Variants in FAT3 observed in about 807,000 individuals in gnomAD.
The protein encoded by FAT3 is protocadherin Fat 3.
Under a neutral mutation model 310.2 loss-of-function variants are expected in FAT3, and 95 were observed. The ratio of observed to expected loss-of-function variants is 0.31; its 90% confidence interval spans 0.26 to 0.36. The LOEUF is 0.36. Among genes scored for constraint, FAT3 ranks in the 10% least tolerant of loss-of-function variants. The probability of loss-of-function intolerance (pLI) is 1.00; values close to 1 mark genes in which losing one functional copy is unlikely to be tolerated. For synonymous variants in FAT3, 2,314 were observed against 2,192.9 expected, an observed-to-expected ratio of 1.06 and a Z score of -1.54; for missense variants, 5,408 against 5,715.6, an observed-to-expected ratio of 0.95 and a Z score of 1.74.
At chr11:92,670,560 A>C (rs1236069632) in intron 3 of FAT3, among the ~76,000 whole-genome samples, 1 of 152,200 alleles carries the variant, frequency 6.6e-6, no homozygotes, top group African/African-American at 2.4e-5. Flanking sequence ...TTGTGTTGAC[A>C]TATCAGGTAT....
intron 19 of FAT3, among the ~76,000 whole-genome samples, chr11:92,848,219 C>T (rs1234950721): frequency 6.6e-6 from 1 of 152,166 alleles, no homozygotes; most frequent in Non-Finnish European, 1.5e-5. Context: ...AACCAAAATG[C>T]TGAGTTGTTT....
intron 13 of FAT3, among the ~76,000 whole-genome samples, chr11:92,828,256 A>G (rs1215274464): frequency 6.6e-6 from 1 of 152,148 alleles, no homozygotes; most frequent in African/African-American, 2.4e-5. Context: ...CCCATTGCCC[A>G]GGAACATGGC....
intron 20 of FAT3, among the ~76,000 whole-genome samples, chr11:92,857,971 T>A (rs1052801250): frequency 3.9e-5 from 6 of 152,364 alleles, no homozygotes; most frequent in African/African-American, 1.4e-4. Flanking sequence ...GATTCATATA[T>A]TCTCTGCCAC....
chr11:92,271,575 G>A (rs1294884571), intron 1 of FAT3, among the ~76,000 whole-genome samples: 1 of 152,110 alleles, frequency 6.6e-6, no homozygotes, highest in Non-Finnish European at 1.5e-5. Context: ...TTAAGGGTAG[G>A]AAATCTGTCT....
At chr11:92,288,428 G>C (rs1946611353) in intron 1 of FAT3, among the ~76,000 whole-genome samples, 1 of 152,124 alleles carries the variant, frequency 6.6e-6, no homozygotes, top group African/African-American at 2.4e-5. Context: ...CTCTGTTTTA[G>C]AGATGAGGAA....
chr11:92,797,823 T>G lies in FAT3; in HGVS notation c.4823-13T>G. 2 of 1,598,034 alleles carry G rather than the reference T, an allele frequency of 1.3e-6. No homozygotes were observed. The highest frequency in any genetic ancestry group is 1.7e-6 in the Non-Finnish European group (2 of 1,169,186). On this transcript the variant is annotated splice_polypyrimidine_tract_variant and intron_variant, in intron 9 of 27. Transcript: ENST00000525166. ...ACATGTAACTCATTTCACCATTGAT[T>G]TCTGTATTTTAGGGAACACTGGGAA...
chr11:92,798,089 A>C lies in FAT3; in HGVS notation c.5076A>C (p.Leu1692=). Residue 1692 remains leucine (L), a synonymous_variant, in exon 10 of 28, where the codon CTA becomes CTC. Coordinates refer to ENST00000525166, the MANE Select transcript of FAT3 (RefSeq NM_001367949.2). ...ENVDIGTSVI[L]ISAISQSTLI... ...TTGACATTGGAACATCAGTCATTCT[A>C]ATCTCTGCCATCAGTCAATCTACCC... 6.2e-7 allele frequency: 1 copy of C among 1,613,914 alleles called. No individual in the cohort carries two copies. Among genetic ancestry groups the C allele is most frequent in the Admixed American group, 1.7e-5 (1 of 60,018 alleles).
At chr11:92,270,774 T>C (rs1411201118) in intron 1 of FAT3, among the ~76,000 whole-genome samples, 2 of 152,070 alleles carry the variant, frequency 1.3e-5, no homozygotes, top group African/African-American at 4.8e-5. Flanking sequence ...ATTTGAGAAA[T>C]ATCATATACA....
intron 1 of FAT3, among the ~76,000 whole-genome samples, chr11:92,234,354 G>GTAC (rs1337563229): frequency 6.6e-6 from 1 of 152,166 alleles, no homozygotes; most frequent in African/African-American, 2.4e-5. Context: ...TTCTCCCTCA[G>GTAC]TACTGCTTTG....
intron 22 of FAT3, among the ~76,000 whole-genome samples, chr11:92,878,203 G>A (rs1005592772): frequency 6.6e-6 from 1 of 152,084 alleles, no homozygotes; most frequent in Admixed American, 6.5e-5. Context: ...GGAAATTTGG[G>A]TAAAATTTAT....
rs574504924 is a variant in FAT3 at position 92,882,218 on chromosome 11, A to G, written c.12282-520A>G. The stretch of plus-strand genomic sequence containing the variant: ...TTTCTCTCATTTAGTGTGAATATCC[A>G]TATGTTTCACTGCAGAAACACTGGT... On this transcript the variant is annotated intron_variant, in intron 23 of 27. Coordinates refer to ENST00000525166, the MANE Select transcript of FAT3 (RefSeq NM_001367949.2). Among the ~76,000 whole-genome samples the G allele has an allele frequency of 3.3e-5, 5 of 152,264 alleles. No individual in the cohort carries two copies. In the East Asian group the frequency reaches 7.7e-4, roughly 24 times the overall value.
chr11:92,537,422 A>G (rs1343925572), intron 3 of FAT3, among the ~76,000 whole-genome samples: 2 of 152,104 alleles, frequency 1.3e-5, no homozygotes, highest in South Asian at 2.1e-4. Context: ...CTTGCTGTAA[A>G]TAACTCTGGT....
At chr11:92,527,778 T>C (rs1286797471) in intron 3 of FAT3, among the ~76,000 whole-genome samples, 1 of 152,088 alleles carries the variant, frequency 6.6e-6, no homozygotes, top group East Asian at 1.9e-4. Flanking sequence ...CAATATAACA[T>C]TTTTCAGTAA....
chr11:92,853,064 G>C (rs1948874090), intron 19 of FAT3, among the ~76,000 whole-genome samples: 1 of 152,200 alleles, frequency 6.6e-6, no homozygotes, highest in Non-Finnish European at 1.5e-5. Context: ...CAGCCCAGCA[G>C]ACTGCACTTG....
At position 92,834,143 on chromosome 11, in the gene FAT3, A is replaced by C. The variant is rs745481669; in HGVS notation, c.9872-727A>C. 2.6e-5 allele frequency among the ~76,000 whole-genome samples: 4 copies of C among 152,350 alleles called. No individual in the cohort carries two copies. In the South Asian group the frequency reaches 8.3e-4, roughly 32 times the overall value. The stretch of plus-strand genomic sequence containing the variant: ...GCAGGATTGGGTTACCTCCCAAGAA[A>C]GGGCTAGGATGGGAAGGATATAGCA... On this transcript the variant is annotated intron_variant, in intron 14 of 27. Transcript: ENST00000525166.
intron 4 of FAT3, among the ~76,000 whole-genome samples, chr11:92,718,591 A>G (rs1011484259): frequency 2.2e-4 from 34 of 152,308 alleles, no homozygotes; most frequent in African/African-American, 7.9e-4. Context: ...TCTTCCTAGT[A>G]TATAGCATCT....
intron 3 of FAT3, among the ~76,000 whole-genome samples, chr11:92,687,262 T>C (rs2135877241): frequency 6.6e-6 from 1 of 152,312 alleles, no homozygotes; most frequent in Admixed American, 6.5e-5. Flanking sequence ...ATTGTCCCCA[T>C]TTCAGAGATG....
chr11:92,379,099 A>G (rs1305970671), intron 2 of FAT3, among the ~76,000 whole-genome samples: 1 of 152,090 alleles, frequency 6.6e-6, no homozygotes, highest in African/African-American at 2.4e-5. Context: ...TCCTCTCTCC[A>G]TATGCTTTCT....
intron 2 of FAT3, among the ~76,000 whole-genome samples, chr11:92,408,734 G>A (rs1950190999): frequency 6.6e-6 from 1 of 152,154 alleles, no homozygotes; most frequent in Non-Finnish European, 1.5e-5. Context: ...GATCAAATAT[G>A]GAACATGTGC....
Sources: gnomAD v4.1 joint callset for allele counts (sites outside exome capture counted in the v4.1 genomes callset) on GRCh38, gnomAD v4.1.1 for gene constraint, MANE v1.5 for transcripts, NCBI Gene and HGNC (gene_info 2026-07-23, HGNC 2026-07-21) for gene names.